Variants in CCSER1 observed in about 807,000 individuals in gnomAD.
CCSER1 encodes serine-rich coiled-coil domain-containing protein 1.
Under a neutral mutation model 82.0 loss-of-function variants are expected in CCSER1, and 41 were observed. That is an observed-to-expected ratio of 0.50 (90% CI 0.39 to 0.65). CCSER1 has a LOEUF of 0.65. Among genes scored for constraint, CCSER1 ranks in the 30% least tolerant of loss-of-function variants. The pLI is 0.00. For synonymous variants in CCSER1, 414 were observed against 383.9 expected, an observed-to-expected ratio of 1.08 and a Z score of -0.92; for missense variants, 1,119 against 1,064.2, an observed-to-expected ratio of 1.05 and a Z score of -0.72.
chr4:90,483,049 A>G (rs992275628), intron 5 of CCSER1, among the ~76,000 whole-genome samples: 24 of 152,072 alleles, frequency 1.6e-4, no homozygotes, highest in Admixed American at 7.9e-4. Context: ...TATGAATCTG[A>G]GTGCTCCTGT....
At chr4:90,861,922 A>ATT (rs1265943061) in intron 8 of CCSER1, among the ~76,000 whole-genome samples, 1 of 102,266 alleles carries the variant, frequency 9.8e-6, no homozygotes, top group African/African-American at 3.1e-5. Context: ...ATATATATAT[A>ATT]TATATTTTTT....
At position 90,963,549 on chromosome 4, in the gene CCSER1, G is replaced by A. The variant is rs571525525; in HGVS notation, c.2172+40102G>A. Among the ~76,000 whole-genome samples, 9 of 152,122 alleles carry A rather than the reference G, an allele frequency of 5.9e-5. No homozygotes were observed. In the South Asian group the frequency reaches 1.9e-3, roughly 32 times the overall value. On this transcript the variant is annotated intron_variant, in intron 9 of 10. Coordinates refer to ENST00000509176, the MANE Select transcript of CCSER1 (RefSeq NM_001145065.2). ...ATTAAATTAAGTCATTTAAATGAAAGTACACCCTAATCCAACATGACTGGT... is the reference window on the plus strand; with the variant it reads ...ATTAAATTAAGTCATTTAAATGAAAATACACCCTAATCCAACATGACTGGT...
intron 10 of CCSER1, among the ~76,000 whole-genome samples, chr4:91,524,202 T>A (rs1487788632): frequency 1.3e-5 from 2 of 152,348 alleles, no homozygotes; most frequent in Non-Finnish European, 2.9e-5. Context: ...GATATCACTT[T>A]AGAAATTTTA....
chr4:91,095,015 C>T (rs566313463), intron 10 of CCSER1, among the ~76,000 whole-genome samples: 41 of 152,264 alleles, frequency 2.7e-4, no homozygotes, highest in South Asian at 8.3e-4. Flanking sequence ...ACCTGCTTGG[C>T]GGAGACTCCC....
Position 90,342,039 on chromosome 4 carries a change from C to G in CCSER1, c.1509+28992C>G, listed in dbSNP as rs74534594. ...CCGAAAATCTGGATTATCTTTACTTCCAGAAGAAATTACCAGAGACCCACT... is the reference window on the plus strand; with the variant it reads ...CCGAAAATCTGGATTATCTTTACTTGCAGAAGAAATTACCAGAGACCCACT... On this transcript the variant is annotated intron_variant, in intron 3 of 10. Transcript: ENST00000509176. Among the ~76,000 whole-genome samples, 49 of 152,148 alleles carry G rather than the reference C, an allele frequency of 3.2e-4. No individual in the cohort carries two copies. In the East Asian group the frequency reaches 6.2e-3, roughly 19 times the overall value.
intron 9 of CCSER1, among the ~76,000 whole-genome samples, chr4:91,007,850 C>T (rs1265385971): frequency 1.3e-5 from 2 of 151,932 alleles, no homozygotes; most frequent in African/African-American, 4.8e-5. Context: ...TTAAGCTCTT[C>T]CTGGATTTTT....
intron 10 of CCSER1, among the ~76,000 whole-genome samples, chr4:91,321,407 C>T (rs969566585): frequency 2.0e-5 from 3 of 151,932 alleles, no homozygotes; most frequent in Non-Finnish European, 2.9e-5. Context: ...TTTTTAGAGG[C>T]TCAATGTCCA....
intron 7 of CCSER1, among the ~76,000 whole-genome samples, chr4:90,738,770 G>C (rs948646524): frequency 4.6e-5 from 7 of 152,134 alleles, no homozygotes; most frequent in Admixed American, 4.6e-4. Context: ...CCTAGGGTGA[G>C]CAATGCCTGG....
At chr4:90,176,359 A>G (rs561793739) in intron 1 of CCSER1, among the ~76,000 whole-genome samples, 2 of 152,162 alleles carry the variant, frequency 1.3e-5, no homozygotes, top group Admixed American at 1.3e-4. Context: ...AGTTTTTGCA[A>G]CTTCCGCAGA....
intron 5 of CCSER1, among the ~76,000 whole-genome samples, chr4:90,518,438 A>G (rs1772580293): frequency 6.6e-6 from 1 of 152,106 alleles, no homozygotes; most frequent in Non-Finnish European, 1.5e-5. Flanking sequence ...TATTAACAAT[A>G]GAGTTTTAAA....
intron 6 of CCSER1, among the ~76,000 whole-genome samples, chr4:90,656,384 T>G (rs1015716862): frequency 6.6e-6 from 1 of 151,836 alleles, no homozygotes; most frequent in African/African-American, 2.4e-5. Context: ...ATTGGATGTA[T>G]TAGCCCTTTT....
At chr4:90,397,353 C>T (rs548329863) in intron 3 of CCSER1, among the ~76,000 whole-genome samples, 52 of 152,200 alleles carry the variant, frequency 3.4e-4, no homozygotes, top group Non-Finnish European at 6.8e-4. Flanking sequence ...ATAGCAGTGG[C>T]AGAGATTTTA....
intron 10 of CCSER1, among the ~76,000 whole-genome samples, chr4:91,394,016 T>C (rs541386317): frequency 6.6e-6 from 1 of 152,262 alleles, no homozygotes; most frequent in Non-Finnish European, 1.5e-5. Context: ...AATGAACTTA[T>C]GATCGGTGAT....
intron 9 of CCSER1, among the ~76,000 whole-genome samples, chr4:90,948,551 T>C (rs1732535648): frequency 6.6e-6 from 1 of 151,962 alleles, no homozygotes; most frequent in Admixed American, 6.6e-5. Context: ...CAATTTAAAA[T>C]CTTGTCAATA....
intron 3 of CCSER1, among the ~76,000 whole-genome samples, chr4:90,332,517 T>A (rs1739502068): frequency 6.6e-6 from 1 of 152,190 alleles, no homozygotes. Context: ...TTTACAGGCA[T>A]GAGCCACCAT....
chr4:90,705,413 G>A (rs570321605), intron 6 of CCSER1, among the ~76,000 whole-genome samples: 4 of 152,146 alleles, frequency 2.6e-5, no homozygotes, highest in African/African-American at 7.2e-5. Flanking sequence ...TAGGCTATTC[G>A]GGGGTCAGGG....
At chr4:90,218,129 A>C (rs1183057731) in intron 1 of CCSER1, among the ~76,000 whole-genome samples, 3 of 152,096 alleles carry the variant, frequency 2.0e-5, no homozygotes, top group African/African-American at 7.2e-5. Context: ...AAGGGTTTTT[A>C]TCATGAAAGG....
chr4:91,119,069 T>G (rs893464519), intron 10 of CCSER1, among the ~76,000 whole-genome samples: 11 of 152,154 alleles, frequency 7.2e-5, no homozygotes, highest in Non-Finnish European at 4.4e-5. Flanking sequence ...GTTTTGATAT[T>G]CATGTATAAA....
At chr4:90,752,133 A>G (rs1748759375) in intron 7 of CCSER1, among the ~76,000 whole-genome samples, 1 of 152,102 alleles carries the variant, frequency 6.6e-6, no homozygotes, top group African/African-American at 2.4e-5. Context: ...TTTCTGAGGA[A>G]AACTTTACAG....
Sources: allele counts gnomAD v4.1 joint callset (sites outside exome capture counted in the v4.1 genomes callset), GRCh38; gene constraint gnomAD v4.1.1; transcripts MANE v1.5; gene names NCBI Gene and HGNC (gene_info 2026-07-23, HGNC 2026-07-21).